The following KDM4A variants were observed in gnomAD, a reference collection of about 807,000 sequenced individuals.
KDM4A encodes lysine demethylase 4A, also known as lysine-specific demethylase 4A.
In KDM4A, 23 loss-of-function variants were observed where a neutral mutation model predicts 127.1. The observed-to-expected ratio is 0.18, with a 90% confidence interval of 0.13 to 0.26. KDM4A has a LOEUF of 0.26. Among genes scored for constraint, KDM4A ranks in the 10% least tolerant of loss-of-function variants. KDM4A has a pLI of 1.00. For synonymous variants in KDM4A, 443 were observed against 466.5 expected, an observed-to-expected ratio of 0.95 and a Z score of 0.65; for missense variants, 890 against 1,329.1, an observed-to-expected ratio of 0.67 and a Z score of 5.14.
intron 18 of KDM4A, among the ~76,000 whole-genome samples, chr1:43,695,269 A>G (rs1167483666): frequency 1.3e-5 from 2 of 152,246 alleles, no homozygotes; most frequent in Non-Finnish European, 2.9e-5. Context: ...CCCAAGAGTT[A>G]ACCATGAATT....
intron 19 of KDM4A, chr1:43,703,357 A>C: frequency 3.0e-6 from 1 of 338,736 alleles, no homozygotes; most frequent in Non-Finnish European, 5.5e-6. Flanking sequence ...TGATTCTGGC[A>C]CTTAACTCCT....
chr1:43,697,774 A>G lies in KDM4A; in HGVS notation c.2671-69A>G, dbSNP rs879015495. ...TTCCCTGATAAGGAGGAACTAATTG[A>G]TCTTCATCTCCATATGCCAGGCCTG... On this transcript the variant is annotated intron_variant, in intron 18 of 21. Coordinates refer to ENST00000372396, the MANE Select transcript of KDM4A (RefSeq NM_014663.3). 56 of 1,366,158 alleles carry G rather than the reference A, an allele frequency of 4.1e-5. 1 individual carries two copies. The South Asian group carries it at 6.9e-4, about 17-fold the overall frequency. The allele number at this position is 1,366,158 out of a possible 1,614,324, so 84.6% of individuals were successfully genotyped here.
In KDM4A at chr1:43,667,947, G is replaced by T. The variant is rs1557907903; in HGVS notation, c.1091G>T (p.Gly364Val). ...GAGAGTGAACTGCCTCCAAGAGCTG[G>T]CAACGAGGAGGAGTGCCCAGAGGAG... ...LKESELPPRAGNEEECPEEDM... is the reference protein window; with the variant it reads ...LKESELPPRAVNEEECPEEDM... The change falls in exon 9 of 22, where the codon GGC (glycine) becomes GTC (valine). Residue 364 changes from glycine (G) to valine (V), a missense_variant. By Grantham distance (109) the Gly-to-Val change is moderately radical. This residue lies in a region of KDM4A where 389 missense variants were observed against 485.9 expected (regional missense o/e 0.80). Coordinates refer to ENST00000372396, the MANE Select transcript of KDM4A (RefSeq NM_014663.3). The T allele has an allele frequency of 6.2e-7, 1 of 1,614,164 alleles. No homozygotes were observed. Among genetic ancestry groups the T allele is most frequent in the East Asian group, 2.2e-5 (1 of 44,876 alleles).
At chr1:43,687,847 T>C (rs1452388182) in intron 12 of KDM4A, among the ~76,000 whole-genome samples, 2 of 152,212 alleles carry the variant, frequency 1.3e-5, no homozygotes, top group Non-Finnish European at 2.9e-5. Context: ...TGTAGGAAGA[T>C]GCACCCAGAG....
chr1:43,667,113 C>A (rs1390223296), intron 8 of KDM4A, 22 bp downstream of exon 8: 1 of 1,613,080 alleles, frequency 6.2e-7, no homozygotes, highest in South Asian at 1.1e-5. Flanking sequence ...TGATTTCTTT[C>A]TATAACACCA....
intron 3 of KDM4A, among the ~76,000 whole-genome samples, chr1:43,657,747 TTTC>T (rs1445893588): frequency 1.1e-4 from 15 of 134,570 alleles, no homozygotes; most frequent in South Asian, 2.3e-4. Flanking sequence ...GGCTTTTTCT[TTTC>T]TTTTTTTTTT....
rs199530058 is a variant in KDM4A at position 43,676,829 on chromosome 1, T to C, written c.1734+4954T>C. On this transcript the variant is annotated intron_variant, in intron 11 of 21. Coordinates refer to ENST00000372396, the MANE Select transcript of KDM4A (RefSeq NM_014663.3). ...GTAAATGCATCACCTTAAATATTTG[T>C]CTTGTCTTTATGCTAGAAACATTCA... is the stretch of plus-strand genomic sequence containing the variant. 8.5e-5 allele frequency among the ~76,000 whole-genome samples: 13 copies of C among 152,332 alleles called. No individual in the cohort carries two copies. In the East Asian group the frequency reaches 1.7e-3, roughly 20 times the overall value.
At chr1:43,664,349 C>G (rs1008578104) in intron 5 of KDM4A, among the ~76,000 whole-genome samples, 1 of 151,940 alleles carries the variant, frequency 6.6e-6, no homozygotes, top group Non-Finnish European at 1.5e-5. Flanking sequence ...GGTGGATCAC[C>G]TGAAGTCAGG....
intron 1 of KDM4A, among the ~76,000 whole-genome samples, chr1:43,652,395 A>C (rs914463721): frequency 6.6e-6 from 1 of 152,170 alleles, no homozygotes; most frequent in Non-Finnish European, 1.5e-5. Flanking sequence ...CTATTGCAGT[A>C]ACAATGTCTC....
At chr1:43,681,419 C>A (rs988067092) in intron 11 of KDM4A, among the ~76,000 whole-genome samples, 1 of 152,220 alleles carries the variant, frequency 6.6e-6, no homozygotes, top group African/African-American at 2.4e-5. Context: ...ATTCCCAGAT[C>A]TTGCTCTGAC....
intron 4 of KDM4A, among the ~76,000 whole-genome samples, chr1:43,660,950 A>T (rs969904476): frequency 6.6e-6 from 1 of 152,070 alleles, no homozygotes; most frequent in Non-Finnish European, 1.5e-5. Context: ...TTCAGGGATT[A>T]TCACTCATAA....
intron 11 of KDM4A, among the ~76,000 whole-genome samples, chr1:43,681,407 G>A (rs145643015): frequency 2.6e-5 from 4 of 152,224 alleles, no homozygotes; most frequent in East Asian, 1.9e-4. Flanking sequence ...CTGGTGCTGC[G>A]GATTCCCAGA....
intron 16 of KDM4A, among the ~76,000 whole-genome samples, chr1:43,692,796 G>A (rs1261837463): frequency 6.6e-6 from 1 of 152,154 alleles, no homozygotes; most frequent in Non-Finnish European, 1.5e-5. Context: ...CTATGGAACC[G>A]AATCTGCTGA....
chr1:43,699,975 C>T (rs145155829), intron 19 of KDM4A: 4,469 of 152,088 alleles, frequency 0.029, 111 homozygotes, highest in Middle Eastern at 0.085. Flanking sequence ...GTGATCCGCC[C>T]GCCTCGGCCT....
At chr1:43,704,156 G>T in intron 21 of KDM4A, 44 bp downstream of exon 21, 1 of 1,613,112 alleles carries the variant, frequency 6.2e-7, no homozygotes, top group Non-Finnish European at 8.5e-7. Flanking sequence ...TTGGAGGGAG[G>T]GAACAAGTCA....
chr1:43,682,062 G>A (rs777887382), intron 11 of KDM4A, among the ~76,000 whole-genome samples: 6 of 152,104 alleles, frequency 3.9e-5, no homozygotes, highest in Admixed American at 2.6e-4. Context: ...TTGACCTTCC[G>A]GGCTCAGGTA....
In KDM4A at chr1:43,688,021, T is replaced by G. The variant is rs959609608; in HGVS notation, c.1856-893T>G. 6.7e-6 allele frequency among the ~76,000 whole-genome samples: 1 copy of G among 149,526 alleles called. No individual in the cohort carries two copies. The highest frequency in any genetic ancestry group is 2.4e-5 in the African/African-American group (1 of 40,906). ...CATTGGTCTCTGTGGTTGTCACTGT[T>G]TTTTTTTTTTAAGCCCCAATGCTGA... On this transcript the variant is annotated intron_variant, in intron 12 of 21. Coordinates refer to ENST00000372396, the MANE Select transcript of KDM4A (RefSeq NM_014663.3). The surrounding 1 kb of genome is among the most constrained non-coding windows in gnomAD (Gnocchi z 4.4).
intron 11 of KDM4A, among the ~76,000 whole-genome samples, chr1:43,672,921 C>T (rs1660657849): frequency 6.6e-6 from 1 of 152,176 alleles, no homozygotes. Context: ...ACCTTTCTTA[C>T]CTTGAAATTC....
intron 11 of KDM4A, among the ~76,000 whole-genome samples, chr1:43,672,825 C>G (rs934422402): frequency 1.3e-5 from 2 of 152,208 alleles, no homozygotes; most frequent in East Asian, 3.9e-4. Context: ...AACTCTTCCT[C>G]TGATCCTCAT....
Sources: gnomAD v4.1 joint callset for allele counts (sites outside exome capture counted in the v4.1 genomes callset) on GRCh38, gnomAD v4.1.1 for gene constraint, gnomAD v4.1.1 regional missense constraint, Gnocchi (gnomAD v3.1) non-coding constraint, MANE v1.5 for transcripts, NCBI Gene and HGNC (gene_info 2026-07-23, HGNC 2026-07-21) for gene names.